Variants in TDRD3 observed in about 807,000 individuals in gnomAD.
TDRD3 encodes the protein tudor domain containing 3, also known as tudor domain-containing protein 3.
TDRD3 carries 45 observed loss-of-function variants against 86.7 expected under a neutral mutation model. That is an observed-to-expected ratio of 0.52 (90% CI 0.41 to 0.67). The LOEUF is 0.67. TDRD3 is among the 30% of genes least tolerant of loss of function. The pLI is 0.00. For missense variants in TDRD3, 814 were observed against 889.0 expected (o/e 0.92, Z 1.07); for synonymous variants, 298 against 301.7 (o/e 0.99, Z 0.13).
At chr13:60,444,817 A>G in intron 3 of TDRD3, 69 bp downstream of exon 3, 1 of 965,084 alleles carries the variant, frequency 1.0e-6, no homozygotes, top group Admixed American at 3.2e-5. Flanking sequence ...AATTACTGGA[A>G]TTACTTTTTG....
intron 1 of TDRD3, among the ~76,000 whole-genome samples, chr13:60,424,202 TG>T (rs1460547472): frequency 6.9e-6 from 1 of 145,438 alleles, no homozygotes; most frequent in Non-Finnish European, 1.5e-5. Context: ...TTTGTATTTT[TG>T]GTGGAGACGG....
intron 13 of TDRD3, among the ~76,000 whole-genome samples, chr13:60,573,245 C>T (rs911079336): frequency 6.6e-6 from 1 of 152,198 alleles, no homozygotes; most frequent in Non-Finnish European, 1.5e-5. Context: ...GAACTGGAGG[C>T]GGTTAGGATA....
intron 3 of TDRD3, among the ~76,000 whole-genome samples, chr13:60,454,654 G>GA (rs1955625447): frequency 6.6e-6 from 1 of 152,170 alleles, no homozygotes; most frequent in South Asian, 2.1e-4. Flanking sequence ...GCCCAAAGCT[G>GA]AAACTCTTAG....
chr13:60,548,833 C>T (rs1595103476), intron 12 of TDRD3, among the ~76,000 whole-genome samples: 1 of 151,946 alleles, frequency 6.6e-6, no homozygotes, highest in East Asian at 1.9e-4. Context: ...TTATTTTTTC[C>T]CAACACTTAA....
intron 12 of TDRD3, chr13:60,537,191 T>A (rs1181885735): frequency 6.6e-6 from 1 of 152,070 alleles, no homozygotes; most frequent in Non-Finnish European, 1.5e-5. Flanking sequence ...TCTTTTCTCC[T>A]ACTTTTATAA....
At chr13:60,531,509 G>A (rs1396118699) in intron 11 of TDRD3, among the ~76,000 whole-genome samples, 1 of 152,178 alleles carries the variant, frequency 6.6e-6, no homozygotes, top group Admixed American at 6.5e-5. Flanking sequence ...ATTGGATAAT[G>A]TGGGGTTACT....
rs202146264 is a variant in TDRD3, at chr13:60,478,801, C to CT, written c.496-4954dup. On this transcript the variant is annotated intron_variant, in intron 5 of 13. Transcript: ENST00000377881. Reference sequence around the variant, plus strand: ...CAACATTAGATTGTTAATTTGAGGACTTTTTTTTTTTTTTTTTTTTGAGAT... The same window carrying CT: ...CAACATTAGATTGTTAATTTGAGGACTTTTTTTTTTTTTTTTTTTTTGAGAT... Among the ~76,000 whole-genome samples the CT allele has an allele frequency of 8.1e-3, 845 of 104,424 alleles. 29 individuals carry two copies. The highest frequency in any genetic ancestry group is 0.019 in the African/African-American group (518 of 27,232). 68.5% of individuals were successfully genotyped at this position (104,424 alleles called of 152,430 possible). A position where few individuals can be genotyped will look rare whatever the true frequency, so the allele number is the denominator to read the frequency against.
intron 1 of TDRD3, among the ~76,000 whole-genome samples, chr13:60,438,479 G>A (rs1235372767): frequency 6.6e-6 from 1 of 152,020 alleles, no homozygotes; most frequent in African/African-American, 2.4e-5. Flanking sequence ...ACTTTTAATA[G>A]TACCTCATTT....
At chr13:60,453,518 C>A (rs147608540) in intron 3 of TDRD3, among the ~76,000 whole-genome samples, 9 of 152,118 alleles carry the variant, frequency 5.9e-5, no homozygotes, top group African/African-American at 1.9e-4. Context: ...AGGTTTGGTA[C>A]GTAAAATGAA....
At chr13:60,523,056 G>A (rs1306704462) in intron 10 of TDRD3, among the ~76,000 whole-genome samples, 3 of 152,164 alleles carry the variant, frequency 2.0e-5, no homozygotes, top group African/African-American at 7.2e-5. Context: ...TAGGATGGCT[G>A]TGAGGATTAC....
At chr13:60,416,716 G>T (rs1472894858) in intron 1 of TDRD3, among the ~76,000 whole-genome samples, 1 of 152,146 alleles carries the variant, frequency 6.6e-6, no homozygotes, top group African/African-American at 2.4e-5. Context: ...TGACCTTCCA[G>T]TTGTGAGATA....
At chr13:60,486,384 G>A (rs968349196) in intron 7 of TDRD3, among the ~76,000 whole-genome samples, 17 of 151,928 alleles carry the variant, frequency 1.1e-4, no homozygotes, top group African/African-American at 3.9e-4. Context: ...CACTGTGTCA[G>A]GATTAACATT....
In TDRD3 at chr13:60,485,692, G is replaced by A. The variant is rs535967600; in HGVS notation, c.568-107G>A. ...AGAATTTTATTTGTGTAGGCTTTTAGCTATTGTAAAAGATACAAGATACTT... is the reference window on the plus strand; with the variant it reads ...AGAATTTTATTTGTGTAGGCTTTTAACTATTGTAAAAGATACAAGATACTT... On this transcript the variant is annotated intron_variant, in intron 6 of 13. Transcript: ENST00000377881. 2.9e-5 allele frequency: 25 copies of A among 876,294 alleles called. No individual in the cohort carries two copies. The South Asian group carries it at 9.1e-4, about 32-fold the overall frequency. 54.3% of individuals were successfully genotyped at this position (876,294 alleles called of 1,614,324 possible). A position where few individuals can be genotyped will look rare whatever the true frequency, so the allele number is the denominator to read the frequency against.
At chr13:60,537,164 T>TCG (rs1555290340) in intron 12 of TDRD3, 7 of 152,108 alleles carry the variant, frequency 4.6e-5, no homozygotes, top group Non-Finnish European at 1.0e-4. Flanking sequence ...ACTAAATCTT[T>TCG]TGGAGATTCT....
At chr13:60,505,172 C>A (rs1207627169) in intron 8 of TDRD3, among the ~76,000 whole-genome samples, 1 of 152,196 alleles carries the variant, frequency 6.6e-6, no homozygotes, top group Non-Finnish European at 1.5e-5. Flanking sequence ...CAGAGCCCAA[C>A]AAGCTAAGAT....
intron 3 of TDRD3, among the ~76,000 whole-genome samples, chr13:60,453,823 A>G (rs1000182743): frequency 1.4e-4 from 22 of 152,138 alleles, no homozygotes; most frequent in Non-Finnish European, 2.9e-4. Context: ...CGGCATTTCT[A>G]TTGGCCTGCT....
chr13:60,469,748 G>A (rs191427606), intron 5 of TDRD3, among the ~76,000 whole-genome samples: 19 of 152,216 alleles, frequency 1.2e-4, no homozygotes, highest in South Asian at 4.2e-4. Context: ...GAAGCACTAA[G>A]CATTCAGTAA....
rs201363078 is a variant in TDRD3, at chr13:60,535,068, A to G, written c.1993-40A>G. On this transcript the variant is annotated intron_variant, in intron 11 of 13. Coordinates refer to ENST00000377881, the MANE Select transcript of TDRD3 (RefSeq NM_001146070.2). ...CCTCAAATATTGCCCTTTATAGACAATACCAGTTGTCATATTTAAAACTCC... is the reference window on the plus strand; with the variant it reads ...CCTCAAATATTGCCCTTTATAGACAGTACCAGTTGTCATATTTAAAACTCC... The G allele has an allele frequency of 2.1e-4, 334 of 1,610,212 alleles. 2 individuals carry two copies. In the South Asian group the frequency reaches 3.2e-3, roughly 15 times the overall value.
intron 10 of TDRD3, among the ~76,000 whole-genome samples, chr13:60,522,861 CATG>C (rs1329619385): frequency 6.6e-6 from 1 of 152,068 alleles, no homozygotes; most frequent in African/African-American, 2.4e-5. Flanking sequence ...TTGAAGGTAA[CATG>C]TTGTTGGTTA....
Sources: allele counts gnomAD v4.1 joint callset (sites outside exome capture counted in the v4.1 genomes callset), GRCh38; gene constraint gnomAD v4.1.1; transcripts MANE v1.5; gene names NCBI Gene and HGNC (gene_info 2026-07-23, HGNC 2026-07-21).